RNF213: variants seen among roughly 807,000 people sequenced by gnomAD.
The protein encoded by RNF213 is ring finger protein 213.
RNF213 carries 341 observed loss-of-function variants against 514.4 expected under a neutral mutation model. The ratio of observed to expected loss-of-function variants is 0.66; its 90% CI spans 0.61 to 0.73. The LOEUF (loss-of-function observed/expected upper bound fraction) is 0.73, where lower values mean the gene tolerates loss of function less well. RNF213 is among the 30% of genes least tolerant of loss of function. RNF213 has a pLI of 0.00. For synonymous variants in RNF213, 2,655 were observed against 2,658.2 expected (o/e 1.00, Z 0.04); for missense variants, 5,767 against 6,615.6 (o/e 0.87, Z 4.45).
In RNF213 at chr17:80,277,803, C is replaced by T. The variant is rs575962444; in HGVS notation, c.261+4399C>T. Among the ~76,000 whole-genome samples, 12 of 152,246 alleles carry T rather than the reference C, an allele frequency of 7.9e-5. No individual in the cohort carries two copies. The South Asian group carries it at 1.7e-3, about 21-fold the overall frequency. On this transcript the variant is annotated intron_variant, in intron 3 of 67. Coordinates refer to ENST00000582970, the MANE Select transcript of RNF213 (RefSeq NM_001256071.3). ...TGAACGGTGCTCTAAGCGCAGACGC[C>T]GCATTCTAACCATGGTGAGGAGGGT...
intron 3 of RNF213, among the ~76,000 whole-genome samples, chr17:80,282,394 A>G (rs1674938471): frequency 6.6e-6 from 1 of 151,688 alleles, no homozygotes; most frequent in Non-Finnish European, 1.5e-5. Context: ...TTTATTTTTT[A>G]TTTATTATTG....
At chr17:80,265,793 G>A (rs945942345) in intron 2 of RNF213, among the ~76,000 whole-genome samples, 1 of 152,192 alleles carries the variant, frequency 6.6e-6, no homozygotes, top group Admixed American at 6.5e-5. Context: ...ACTTAAGCCG[G>A]ATGCCGTGGT....
chr17:80,273,488 G>A (rs2043899727), intron 3 of RNF213, 84 bp downstream of exon 3: 3 of 1,563,582 alleles, frequency 1.9e-6, no homozygotes, highest in East Asian at 2.3e-5. Context: ...GCTAGCCCCC[G>A]AAAATGCCAC....
In RNF213 at chr17:80,263,394, A is replaced by G. The variant is rs2043494123; in HGVS notation, c.-108-180A>G. 6.9e-6 allele frequency among the ~76,000 whole-genome samples: 1 copy of G among 145,008 alleles called. No homozygotes were observed. The highest frequency in any genetic ancestry group is 1.5e-5 in the Non-Finnish European group (1 of 65,782). On this transcript the variant is annotated intron_variant, in intron 1 of 67. Coordinates refer to ENST00000582970, the MANE Select transcript of RNF213 (RefSeq NM_001256071.3). The surrounding 1 kb of genome is among the most constrained non-coding windows in gnomAD (Gnocchi z 4.9). ...CCCCTATCCCCACCCAGCCCAACCC[A>G]TGTTCTCAGCAGCAGGGATGGTTCT...
chr17:80,339,153 C>A, intron 25 of RNF213, 48 bp from the exon 26 acceptor site: 1 of 1,418,934 alleles, frequency 7.0e-7, no homozygotes, highest in Non-Finnish European at 9.3e-7. Flanking sequence ...TAGCGTGTTA[C>A]CCTCTCGCAT....
At chr17:80,313,784 G>C (rs2045681331) in intron 15 of RNF213, among the ~76,000 whole-genome samples, 2 of 140,304 alleles carry the variant, frequency 1.4e-5, no homozygotes, top group Admixed American at 6.9e-5. Context: ...AGGTGATGGT[G>C]GTGGTGAAGG....
rs1200653554 is a variant in RNF213 at position 80,345,076 on chromosome 17, C to G, written c.6741C>G (p.Phe2247Leu). ...TTATTGGCGACACACTGAGGGGCTT[C>G]AAGAAGTTCGTGGTGACCTTCATGA... Reference protein sequence around the residue: ...PSFIGDTLRGFKKFVVTFMIF... With the variant: ...PSFIGDTLRGLKKFVVTFMIF... The change falls in exon 29 of 68, where the codon TTC (phenylalanine) becomes TTG (leucine). Residue 2247 changes from phenylalanine to leucine, a missense_variant. Phe to Leu is a conservative substitution (Grantham distance 22). This residue lies in a region of RNF213 where 1,377 missense variants were observed against 1,635.2 expected (regional missense o/e 0.84). Coordinates refer to ENST00000582970, the MANE Select transcript of RNF213 (RefSeq NM_001256071.3). The surrounding 1 kb of genome is among the most constrained non-coding windows in gnomAD (Gnocchi z 6.0). The G allele has an allele frequency of 6.2e-7, 1 of 1,614,132 alleles. No homozygotes were observed. Among genetic ancestry groups the G allele is most frequent in the African/African-American group, 1.3e-5 (1 of 75,020 alleles).
chr17:80,291,707 A>G lies in RNF213; in HGVS notation c.1351A>G (p.Lys451Glu). Residue 451 changes from lysine (K) to glutamate (E), a missense_variant, in exon 8 of 68, where the codon AAG becomes GAG. By Grantham distance (56) the Lys-to-Glu change is moderately conservative (BLOSUM62 1). This residue lies in a region of RNF213 where 592 missense variants were observed against 673.9 expected (regional missense o/e 0.88). Transcript: ENST00000582970. The part of the protein sequence containing the change: ...KKHLDKYIPY[K>E]YVIYNGESFE... ...GCACCTAGATAAATACATTCCTTAC[A>G]AGTACGTCATTTATAATGGGGAATC... is the stretch of plus-strand genomic sequence containing the variant. 2 of 1,614,172 alleles carry G rather than the reference A, an allele frequency of 1.2e-6. No individual in the cohort carries two copies. Among genetic ancestry groups the G allele is most frequent in the South Asian group, 1.1e-5 (1 of 91,090 alleles).
intron 46 of RNF213, among the ~76,000 whole-genome samples, chr17:80,371,434 A>G (rs541985317): frequency 6.6e-6 from 1 of 152,404 alleles, no homozygotes; most frequent in South Asian, 2.1e-4. Context: ...CAGCACAGGA[A>G]TGGAAGACCA....
chr17:80,342,908 C>G (rs889863819), intron 26 of RNF213, among the ~76,000 whole-genome samples: 1 of 151,564 alleles, frequency 6.6e-6, no homozygotes, highest in South Asian at 2.1e-4. Flanking sequence ...CGGGTTCAAG[C>G]GATTCTCCTG....
intron 32 of RNF213, chr17:80,352,029 A>G (rs531797230): frequency 5.0e-6 from 2 of 399,670 alleles, no homozygotes; most frequent in South Asian, 5.1e-5. Context: ...TAATTTTTGT[A>G]TGTTTAGTAG....
rs2078908453 is a variant in RNF213, at chr17:80,358,288, G to A, written c.10863G>A (p.Arg3621=). 6.2e-7 allele frequency: 1 copy of A among 1,613,600 alleles called. No homozygotes were observed. The highest frequency in any genetic ancestry group is 1.3e-5 in the African/African-American group (1 of 74,890). The part of the protein sequence containing the change: ...QDALQEAGTF[R]HTLWKRVQGA... The stretch of plus-strand genomic sequence containing the variant: ...GGCCCATCTCTCTTCTGTGCTGCAG[G>A]CACACCCTCTGGAAGCGGGTCCAAG... Residue 3621 remains arginine, a splice_region_variant and synonymous_variant, in exon 37 of 68, where the codon AGG becomes AGA. Coordinates refer to ENST00000582970, the MANE Select transcript of RNF213 (RefSeq NM_001256071.3).
intron 3 of RNF213, among the ~76,000 whole-genome samples, chr17:80,282,342 G>T (rs1189162832): frequency 6.6e-6 from 1 of 152,192 alleles, no homozygotes; most frequent in Non-Finnish European, 1.5e-5. Flanking sequence ...ATCTGTGGCT[G>T]CAGAGGGCCG....
At chr17:80,361,256 C>T (rs4890014) in intron 38 of RNF213, among the ~76,000 whole-genome samples, 86,714 of 152,100 alleles carry the variant, frequency 0.57, 26,338 homozygotes, top group Non-Finnish European at 0.69. Context: ...CTAGGCCAGG[C>T]GCAGTGGTTC....
intron 36 of RNF213, chr17:80,354,930 G>A (rs1312940571): frequency 2.7e-6 from 1 of 372,250 alleles, no homozygotes; most frequent in East Asian, 6.7e-5. Flanking sequence ...GTGCAGAGCA[G>A]GCAGGGGACA....
chr17:80,364,184 T>TG (rs2144405337), intron 41 of RNF213, among the ~76,000 whole-genome samples: 1 of 152,194 alleles, frequency 6.6e-6, no homozygotes, highest in South Asian at 2.1e-4. Flanking sequence ...GATCATGCAG[T>TG]GAGCGGGTTG....
intron 44 of RNF213, 55 bp downstream of exon 44, chr17:80,368,198 C>A: frequency 6.4e-7 from 1 of 1,565,072 alleles, no homozygotes; most frequent in Non-Finnish European, 8.8e-7. Context: ...CCTTTTTTGG[C>A]AAACACAATA....
rs1568039728 is a variant in RNF213 at position 80,306,333 on chromosome 17, G to A, written c.2292G>A (p.Leu764=). Reference sequence around the variant, plus strand: ...CTCTCTTCCGGTCCTGGTTTAGTCTGCTACCTCTGAGTCACCTGGTTATGT... The same window carrying A: ...CTCTCTTCCGGTCCTGGTTTAGTCTACTACCTCTGAGTCACCTGGTTATGT... ...DEPLFRSWFS[L]LPLSHLVMYM... Residue 764 remains leucine (L), a synonymous_variant, in exon 12 of 68, where the codon CTG becomes CTA. Transcript: ENST00000582970. 6.2e-7 allele frequency: 1 copy of A among 1,614,136 alleles called. No homozygotes were observed. The highest frequency in any genetic ancestry group is 8.5e-7 in the Non-Finnish European group (1 of 1,180,030).
chr17:80,266,341 G>A (rs918968240), intron 2 of RNF213, among the ~76,000 whole-genome samples: 1 of 151,758 alleles, frequency 6.6e-6, no homozygotes, highest in Non-Finnish European at 1.5e-5. Flanking sequence ...TTGAGCCTGG[G>A]AAGTCGAGGC....
Sources: allele counts gnomAD v4.1 joint callset (sites outside exome capture counted in the v4.1 genomes callset), GRCh38; gene constraint gnomAD v4.1.1; regional missense constraint gnomAD v4.1.1; non-coding constraint Gnocchi (gnomAD v3.1); transcripts MANE v1.5; gene names NCBI Gene and HGNC (gene_info 2026-07-23, HGNC 2026-07-21).